The following CHCHD4 variants were observed in gnomAD, a reference collection of about 807,000 sequenced individuals.
CHCHD4 encodes the protein mitochondrial intermembrane space import and assembly protein 40.
A neutral mutation model predicts 12.4 loss-of-function variants in CHCHD4; 7 were observed. The ratio of observed to expected loss-of-function variants is 0.57; its 90% CI spans 0.32 to 1.06. The LOEUF is 1.06. Ranked by LOEUF, CHCHD4 falls within the 50% of genes least tolerant of loss-of-function variation. CHCHD4 has a pLI of 0.04. For synonymous variants in CHCHD4, 56 were observed against 58.0 expected, an observed-to-expected ratio of 0.97 and a Z score of 0.16; for missense variants, 143 against 175.1, an observed-to-expected ratio of 0.82 and a Z score of 1.03.
chr3:14,123,736 C>A (rs1021866530), intron 1 of CHCHD4, among the ~76,000 whole-genome samples: 2 of 152,218 alleles, frequency 1.3e-5, no homozygotes, highest in East Asian at 3.8e-4. Flanking sequence ...AGCCCAACAT[C>A]TCATTTTACA....
intron 1 of CHCHD4, among the ~76,000 whole-genome samples, chr3:14,122,365 T>A (rs1282904995): frequency 6.6e-6 from 1 of 152,238 alleles, no homozygotes; most frequent in Non-Finnish European, 1.5e-5. Context: ...CTCACCACTA[T>A]ATGCCCAATG....
intron 1 of CHCHD4, among the ~76,000 whole-genome samples, chr3:14,121,496 C>T (rs1221135388): frequency 6.6e-6 from 1 of 152,190 alleles, no homozygotes; most frequent in African/African-American, 2.4e-5. Context: ...TCAGCTCATC[C>T]ACCCCAGAAG....
At chr3:14,120,266 C>T (rs1694919021) in intron 1 of CHCHD4, among the ~76,000 whole-genome samples, 1 of 152,118 alleles carries the variant, frequency 6.6e-6, no homozygotes, top group African/African-American at 2.4e-5. Context: ...CACCCCAACC[C>T]GTCTTTCTCT....
At chr3:14,124,233 C>A (rs1485479451) in intron 1 of CHCHD4, among the ~76,000 whole-genome samples, 1 of 152,176 alleles carries the variant, frequency 6.6e-6, no homozygotes, top group Non-Finnish European at 1.5e-5. Flanking sequence ...CCCCGAGTGG[C>A]AACTTTTCGG....
At chr3:14,120,627 T>G (rs1694923690) in intron 1 of CHCHD4, among the ~76,000 whole-genome samples, 1 of 152,204 alleles carries the variant, frequency 6.6e-6, no homozygotes, top group Non-Finnish European at 1.5e-5. Context: ...TGTTTACCAC[T>G]TGATGCCCCC....
At position 14,112,610 on chromosome 3, in the gene CHCHD4, C is replaced by A; in HGVS notation, c.*277G>T. 2.8e-6 allele frequency: 1 copy of A among 356,968 alleles called. No homozygotes were observed. Among genetic ancestry groups the A allele is most frequent in the Admixed American group, 4.3e-5 (1 of 23,276 alleles). 22.1% of individuals were successfully genotyped at this position (356,968 alleles called of 1,614,324 possible). A position where few individuals can be genotyped will look rare whatever the true frequency, so the allele number is the denominator to read the frequency against. ...ATGGTTTTTAGTTGCTGAGCTTATTCAGCACATTATTTAAAAGTGGCAAAA... is the reference window on the plus strand; with the variant it reads ...ATGGTTTTTAGTTGCTGAGCTTATTAAGCACATTATTTAAAAGTGGCAAAA... On this transcript the variant is annotated 3_prime_UTR_variant, in exon 3 of 3. Coordinates refer to ENST00000396914, the MANE Select transcript of CHCHD4 (RefSeq NM_001098502.2).
intron 1 of CHCHD4, chr3:14,122,079 G>C (rs1420028803): frequency 1.3e-6 from 2 of 1,593,144 alleles, no homozygotes; most frequent in Admixed American, 1.7e-5. Flanking sequence ...AACCATCCTG[G>C]GCAAAGCCTG....
chr3:14,114,570 TCTGCTCACAAAC>T (rs1293553034), intron 2 of CHCHD4, among the ~76,000 whole-genome samples: 1 of 152,132 alleles, frequency 6.6e-6, no homozygotes, highest in Non-Finnish European at 1.5e-5. Context: ...GAGCTTCAAA[TCTGCTCACAAAC>T]CTGCACAACC....
intron 1 of CHCHD4, among the ~76,000 whole-genome samples, chr3:14,117,210 T>G (rs940192350): frequency 4.6e-5 from 7 of 152,306 alleles, no homozygotes; most frequent in African/African-American, 1.7e-4. Context: ...AGGCCTAAAG[T>G]GCAGAGCACC....
In CHCHD4 at chr3:14,112,574, G is replaced by A. The variant is rs1694832840; in HGVS notation, c.*313C>T. On this transcript the variant is annotated 3_prime_UTR_variant, in exon 3 of 3. Transcript: ENST00000396914. Reference sequence around the variant, plus strand: ...ATAAATCAGCTCACTCACAAGAAACGTTCTTGGGTAATGGTTTTTAGTTGC... The same window carrying A: ...ATAAATCAGCTCACTCACAAGAAACATTCTTGGGTAATGGTTTTTAGTTGC... 1 of 258,866 alleles carries A rather than the reference G, an allele frequency of 3.9e-6. No homozygotes were observed. Among genetic ancestry groups the A allele is most frequent in the Non-Finnish European group, 7.3e-6 (1 of 136,264 alleles). 16.0% of individuals were successfully genotyped at this position (258,866 alleles called of 1,614,324 possible). A position where few individuals can be genotyped will look rare whatever the true frequency, so the allele number is the denominator to read the frequency against.
chr3:14,118,017 C>T (rs1574931569), intron 1 of CHCHD4, among the ~76,000 whole-genome samples: 1 of 152,234 alleles, frequency 6.6e-6, no homozygotes, highest in East Asian at 1.9e-4. Context: ...AAGCTTAGAA[C>T]CAAGTGAAAT....
At chr3:14,124,487 A>C (rs1694980311) in intron 1 of CHCHD4, among the ~76,000 whole-genome samples, 168 bp downstream of exon 1, 1 of 151,868 alleles carries the variant, frequency 6.6e-6, no homozygotes, top group Non-Finnish European at 1.5e-5. Flanking sequence ...TCTCATCCGC[A>C]AAACAGGAGT....
At position 14,113,048 on chromosome 3, in the gene CHCHD4, G is replaced by C. The variant is rs774156322; in HGVS notation, c.268C>G (p.Gln90Glu). 2 of 1,613,848 alleles carry C rather than the reference G, an allele frequency of 1.2e-6. No homozygotes were observed. The highest frequency in any genetic ancestry group is 1.1e-5 in the South Asian group (1 of 91,070). Residue 90 changes from glutamine (Q) to glutamate (E), a missense_variant, in exon 3 of 3, where the codon CAG becomes GAG. By Grantham distance (29) the Gln-to-Glu change is conservative. Coordinates refer to ENST00000396914, the MANE Select transcript of CHCHD4 (RefSeq NM_001098502.2). ...EEIKGSDCVDQFRAMQECMQK... is the reference protein window; with the variant it reads ...EEIKGSDCVDEFRAMQECMQK... ...ATGCATTCCTGCATGGCCCGGAACT[G>C]GTCTACACAGTCTGACCCCTTGATC...
Position 14,112,523 on chromosome 3 carries a change from T to C in CHCHD4, c.*364A>G, listed in dbSNP as rs1306159743. The C allele has an allele frequency of 5.5e-6, 1 of 182,428 alleles. No individual in the cohort carries two copies. Among genetic ancestry groups the C allele is most frequent in the Non-Finnish European group, 1.1e-5 (1 of 87,668 alleles). The allele number at this position is 182,428 out of a possible 1,614,324, so 11.3% of individuals were successfully genotyped here. The stretch of plus-strand genomic sequence containing the variant: ...TTATTTCCCCAAGGGGTATAAAATC[T>C]ACCAAAAGGAATATAATGAATCAGA... On this transcript the variant is annotated 3_prime_UTR_variant, in exon 3 of 3. Coordinates refer to ENST00000396914, the MANE Select transcript of CHCHD4 (RefSeq NM_001098502.2).
intron 1 of CHCHD4, 63 bp downstream of exon 1, chr3:14,124,592 G>A (rs1334654967): frequency 1.4e-6 from 2 of 1,416,092 alleles, no homozygotes; most frequent in African/African-American, 3.0e-5. Flanking sequence ...GCGGGGCGCC[G>A]GGGCCCGCGT....
intron 1 of CHCHD4, among the ~76,000 whole-genome samples, 162 bp downstream of exon 1, chr3:14,124,493 G>C (rs897320386): frequency 6.6e-6 from 1 of 152,024 alleles, no homozygotes; most frequent in African/African-American, 2.4e-5. Context: ...CCGCAAAACA[G>C]GAGTAGCGAC....
chr3:14,115,973 C>T (rs934309201), intron 2 of CHCHD4, among the ~76,000 whole-genome samples: 7 of 152,334 alleles, frequency 4.6e-5, no homozygotes, highest in African/African-American at 1.7e-4. Flanking sequence ...TAGCTGACTC[C>T]TGCTGCTAGA....
chr3:14,112,739 C>T lies in CHCHD4; in HGVS notation c.*148G>A. 1 of 745,638 alleles carries T rather than the reference C, an allele frequency of 1.3e-6. No individual in the cohort carries two copies. Among genetic ancestry groups the T allele is most frequent in the East Asian group, 2.7e-5 (1 of 36,802 alleles). The allele number at this position is 745,638 out of a possible 1,614,324, so 46.2% of individuals were successfully genotyped here. A position where few individuals can be genotyped will look rare whatever the true frequency, so the allele number is the denominator to read the frequency against. On this transcript the variant is annotated 3_prime_UTR_variant, in exon 3 of 3. Transcript: ENST00000396914. ...CAGTGTATATGTCAAGATGTCAAGA[C>T]CTCAAGACCTCTGATCATCAAAATA...
intron 1 of CHCHD4, among the ~76,000 whole-genome samples, chr3:14,117,461 C>G (rs1694887816): frequency 6.6e-6 from 1 of 152,166 alleles, no homozygotes; most frequent in South Asian, 2.1e-4. Context: ...AACAGAAAAC[C>G]AAGGCTGAGT....
Sources: gnomAD v4.1 joint callset for allele counts (sites outside exome capture counted in the v4.1 genomes callset) on GRCh38, gnomAD v4.1.1 for gene constraint, MANE v1.5 for transcripts, NCBI Gene and HGNC (gene_info 2026-07-23, HGNC 2026-07-21) for gene names.